The following CCDC149 variants were observed in gnomAD, a reference collection of about 807,000 sequenced individuals.
CCDC149 encodes coiled-coil domain-containing protein 149.
Under a neutral mutation model 59.9 loss-of-function variants are expected in CCDC149, and 45 were observed. That is an observed-to-expected ratio of 0.75 (90% CI 0.59 to 0.96). The LOEUF is 0.96. Ranked by LOEUF, CCDC149 falls within the 40% of genes least tolerant of loss-of-function variation. CCDC149 has a pLI of 0.00. For missense variants in CCDC149, 584 were observed against 664.7 expected (o/e 0.88, Z 1.33); for synonymous variants, 245 against 260.6 (o/e 0.94, Z 0.58).
chr4:24,941,127 T>A (rs1422162640), intron 1 of CCDC149, among the ~76,000 whole-genome samples: 3 of 152,076 alleles, frequency 2.0e-5, no homozygotes, highest in East Asian at 1.9e-4. Flanking sequence ...CTATTCCAAA[T>A]TTGACCACAT....
intron 1 of CCDC149, among the ~76,000 whole-genome samples, chr4:24,966,397 A>G (rs1723798875): frequency 6.6e-6 from 1 of 152,058 alleles, no homozygotes; most frequent in Non-Finnish European, 1.5e-5. Context: ...CTGTGTCCCC[A>G]AGTGCCTTTG....
At chr4:24,866,117 C>T (rs962138096) in intron 3 of CCDC149, among the ~76,000 whole-genome samples, 7 of 152,070 alleles carry the variant, frequency 4.6e-5, no homozygotes, top group African/African-American at 1.7e-4. Flanking sequence ...ATAAGCTTGA[C>T]CAAGGAGACT....
intron 1 of CCDC149, among the ~76,000 whole-genome samples, chr4:24,879,023 G>A (rs984280657): frequency 5.3e-5 from 8 of 152,180 alleles, no homozygotes; most frequent in African/African-American, 1.7e-4. Flanking sequence ...CCACTGGCCC[G>A]GGATTTGAAG....
rs60585956 is a variant in CCDC149 at position 24,931,829 on chromosome 4, G to GTATATATATGTGTATATATATA, written c.-64-36712_-64-36711insTATATATATACACATATATATA. 1.1e-3 allele frequency among the ~76,000 whole-genome samples: 83 copies of GTATATATATGTGTATATATATA among 76,926 alleles called. 1 individual carries two copies. In the East Asian group the frequency reaches 0.021, roughly 20 times the overall value. 50.5% of individuals were successfully genotyped at this position (76,926 alleles called of 152,430 possible). ...CTCCCTTATATTGTATGGAGAGTATGTATATATATATATATATATATATGC... is the reference window on the plus strand; with the variant it reads ...CTCCCTTATATTGTATGGAGAGTATGTATATATATGTGTATATATATATATATATATATATATATATATATGC... On this transcript the variant is annotated intron_variant, in intron 1 of 12. Coordinates refer to the CCDC149 transcript ENST00000389609.
At chr4:24,817,603 C>G (rs1284976791) in intron 12 of CCDC149, among the ~76,000 whole-genome samples, 1 of 151,924 alleles carries the variant, frequency 6.6e-6, no homozygotes, top group East Asian at 2.0e-4. Context: ...TTTAAAGCAA[C>G]AACTATGCAT....
chr4:24,975,586 G>A (rs1186100399), intron 1 of CCDC149, among the ~76,000 whole-genome samples: 1 of 150,188 alleles, frequency 6.7e-6, no homozygotes, highest in African/African-American at 2.5e-5. Context: ...GAGAGGAGAG[G>A]GAAGGGGAGG....
intron 1 of CCDC149, among the ~76,000 whole-genome samples, chr4:24,930,861 T>C (rs2109341766): frequency 6.6e-6 from 1 of 152,278 alleles, no homozygotes; most frequent in South Asian, 2.1e-4. Context: ...TACTAACTTA[T>C]AAAACAAACT....
intron 3 of CCDC149, among the ~76,000 whole-genome samples, chr4:24,868,933 C>T (rs2109227007): frequency 6.6e-6 from 1 of 152,304 alleles, no homozygotes; most frequent in South Asian, 2.1e-4. Context: ...TCTCCTTTAT[C>T]AGATGGCAAT....
chr4:24,813,489 A>AATATATCTATATCTATATATCTATAT (rs1186488610), intron 12 of CCDC149, among the ~76,000 whole-genome samples: 3 of 113,734 alleles, frequency 2.6e-5, no homozygotes, highest in African/African-American at 1.2e-4. Flanking sequence ...CAGCTTGGGG[A>AATATATCTATATCTATATATCTATAT]ATATATATAT....
intron 9 of CCDC149, among the ~76,000 whole-genome samples, chr4:24,826,257 G>A (rs1193529961): frequency 6.6e-6 from 1 of 152,184 alleles, no homozygotes; most frequent in African/African-American, 2.4e-5. Context: ...ACCGTGCCCA[G>A]CCCAGTGAAG....
intron 4 of CCDC149, among the ~76,000 whole-genome samples, chr4:24,839,665 A>C (rs1379079194): frequency 6.6e-6 from 1 of 152,200 alleles, no homozygotes; most frequent in African/African-American, 2.4e-5. Context: ...CAAACCTTCC[A>C]GGTGGGGCTG....
At chr4:24,874,260 G>GTTTTTTTTTTTTTTTTTTTTTTTTTTTT (rs1233579287) in intron 2 of CCDC149, among the ~76,000 whole-genome samples, 1 of 33,850 alleles carries the variant, frequency 3.0e-5, no homozygotes, top group African/African-American at 8.9e-5. Flanking sequence ...TTTTTTTTTT[G>GTTTTTTTTTTTTTTTTTTTTTTTTTTTT]TTTTGTTTTT....
intron 12 of CCDC149, among the ~76,000 whole-genome samples, chr4:24,811,826 T>C (rs979469390): frequency 6.6e-6 from 1 of 150,736 alleles, no homozygotes; most frequent in African/African-American, 2.4e-5. Context: ...TGAGCTGAGA[T>C]TGTGTCAATG....
At chr4:24,974,414 C>T (rs1030638372) in intron 1 of CCDC149, among the ~76,000 whole-genome samples, 2 of 152,298 alleles carry the variant, frequency 1.3e-5, no homozygotes, top group Admixed American at 6.5e-5. Flanking sequence ...AAATGTGTGG[C>T]TCTAGAGGAC....
At chr4:24,814,594 G>A (rs1179564469) in intron 12 of CCDC149, among the ~76,000 whole-genome samples, 1 of 152,142 alleles carries the variant, frequency 6.6e-6, no homozygotes, top group African/African-American at 2.4e-5. Flanking sequence ...CAGAATTACT[G>A]GTTCTGAATC....
intron 1 of CCDC149, among the ~76,000 whole-genome samples, chr4:24,930,952 A>G (rs545894583): frequency 6.6e-6 from 1 of 152,282 alleles, no homozygotes; most frequent in South Asian, 2.1e-4. Flanking sequence ...TTGCTCTTCA[A>G]AGGATTCTCA....
At chr4:24,846,663 C>T (rs58793296) in intron 4 of CCDC149, among the ~76,000 whole-genome samples, 16,409 of 152,128 alleles carry the variant, frequency 0.11, 1,030 homozygotes, top group African/African-American at 0.18. Context: ...TTTCACGGCA[C>T]CAATGACAGA....
intron 4 of CCDC149, among the ~76,000 whole-genome samples, chr4:24,841,133 A>G (rs1169447126): frequency 6.6e-6 from 1 of 152,184 alleles, no homozygotes; most frequent in Non-Finnish European, 1.5e-5. Context: ...AACAATGTCT[A>G]TCAGATCTGA....
At chr4:24,931,310 AATATATAT>A (rs71187200) in intron 1 of CCDC149, among the ~76,000 whole-genome samples, 7 of 138,266 alleles carry the variant, frequency 5.1e-5, no homozygotes, top group African/African-American at 8.5e-5. Flanking sequence ...TTTATTTTAA[AATATATAT>A]ATATATATAT....
Sources: gnomAD v4.1 joint callset for allele counts (sites outside exome capture counted in the v4.1 genomes callset) on GRCh38, gnomAD v4.1.1 for gene constraint, MANE v1.5 for transcripts, NCBI Gene and HGNC (gene_info 2026-07-23, HGNC 2026-07-21) for gene names.